Variants in CNTLN observed in about 807,000 individuals in gnomAD.
CNTLN encodes centlein, centrosomal protein.
CNTLN carries 212 observed loss-of-function variants against 180.0 expected under a neutral mutation model. That is an observed-to-expected ratio of 1.18 (90% CI 1.05 to 1.32). The LOEUF (loss-of-function observed/expected upper bound fraction) is 1.32, where lower values mean the gene tolerates loss of function less well. Ranked by LOEUF, CNTLN falls within the 40% of genes most tolerant of loss-of-function variation. The pLI is 0.00. For synonymous variants in CNTLN, 722 were observed against 563.1 expected (o/e 1.28, Z -3.99); for missense variants, 2,095 against 1,610.9 (o/e 1.30, Z -5.14).
intron 2 of CNTLN, among the ~76,000 whole-genome samples, chr9:17,163,435 T>C (rs7847317): frequency 0.019 from 2,889 of 152,356 alleles, 59 homozygotes; most frequent in African/African-American, 0.05. Context: ...ATTCATTAGA[T>C]ATCATTGGCA....
intron 6 of CNTLN, among the ~76,000 whole-genome samples, chr9:17,281,078 T>G (rs993221746): frequency 1.8e-4 from 28 of 152,172 alleles, no homozygotes; most frequent in African/African-American, 6.8e-4. Context: ...AGAGATGTCC[T>G]TACATCTTGG....
At chr9:17,380,815 TAG>T (rs1263189283) in intron 13 of CNTLN, among the ~76,000 whole-genome samples, 2 of 152,216 alleles carry the variant, frequency 1.3e-5, no homozygotes, top group Non-Finnish European at 2.9e-5. Context: ...TTATTGCATA[TAG>T]GTCTGTGTGT....
chr9:17,426,058 G>C (rs549942732), intron 18 of CNTLN, among the ~76,000 whole-genome samples: 8 of 152,280 alleles, frequency 5.3e-5, no homozygotes, highest in African/African-American at 1.9e-4. Context: ...ATGTGAACCA[G>C]GGACCTAATC....
chr9:17,232,579 A>T (rs997040749), intron 3 of CNTLN, among the ~76,000 whole-genome samples: 3 of 151,978 alleles, frequency 2.0e-5, no homozygotes, highest in Non-Finnish European at 4.4e-5. Context: ...ATATGCTCAA[A>T]TTTTGTCATT....
chr9:17,154,961 G>GT (rs1420598426), intron 2 of CNTLN, among the ~76,000 whole-genome samples: 4 of 152,158 alleles, frequency 2.6e-5, no homozygotes, highest in Admixed American at 6.5e-5. Flanking sequence ...TTTGTGAGCT[G>GT]TAACACTCAC....
Position 17,340,934 on chromosome 9 carries a change from A to G in CNTLN, c.1752A>G (p.Glu584=), listed in dbSNP as rs1226358382. The change falls in exon 11 of 26, where the codon GAA becomes GAG. Residue 584 remains glutamate, a synonymous_variant. Coordinates refer to ENST00000380647, the MANE Select transcript of CNTLN (RefSeq NM_017738.4). ...TAAAAGAGCAATTAAAACAGTGGGAAGAAGGCAGTGGCATGTGAGTTACAT... is the reference window on the plus strand; with the variant it reads ...TAAAAGAGCAATTAAAACAGTGGGAGGAAGGCAGTGGCATGTGAGTTACAT... ...RAVKEQLKQW[E]EGSGMTEIRK... is the part of the protein sequence containing the mutation. The G allele has an allele frequency of 6.2e-7, 1 of 1,610,170 alleles. No homozygotes were observed. The highest frequency in any genetic ancestry group is 1.1e-5 in the South Asian group (1 of 90,514).
At chr9:17,405,835 C>G (rs534786435) in intron 15 of CNTLN, among the ~76,000 whole-genome samples, 1 of 151,750 alleles carries the variant, frequency 6.6e-6, no homozygotes, top group East Asian at 1.9e-4. Context: ...GTTGCCCTGG[C>G]TGGAGTGCAG....
intron 20 of CNTLN, among the ~76,000 whole-genome samples, chr9:17,464,152 C>T (rs1394836735): frequency 6.6e-6 from 1 of 151,040 alleles, no homozygotes; most frequent in Non-Finnish European, 1.5e-5. Context: ...TTTTGATTAT[C>T]TTCATATATC....
chr9:17,383,080 CTCTT>C (rs1825386703), intron 13 of CNTLN, among the ~76,000 whole-genome samples: 1 of 151,842 alleles, frequency 6.6e-6, no homozygotes, highest in South Asian at 2.1e-4. Flanking sequence ...TTTTTCTGTT[CTCTT>C]TGTTTGTACC....
chr9:17,139,813 A>G (rs1586888309), intron 1 of CNTLN, among the ~76,000 whole-genome samples: 1 of 151,892 alleles, frequency 6.6e-6, no homozygotes, highest in South Asian at 2.1e-4. Flanking sequence ...CAAAGGATCC[A>G]CCCACCTCAG....
At chr9:17,441,747 T>A (rs1830122340) in intron 18 of CNTLN, among the ~76,000 whole-genome samples, 1 of 152,104 alleles carries the variant, frequency 6.6e-6, no homozygotes, top group Non-Finnish European at 1.5e-5. Context: ...AGTCAAGAGA[T>A]GGAGAGTTGC....
At position 17,143,302 on chromosome 9, in the gene CNTLN, T is replaced by A; in HGVS notation, c.375T>A (p.Phe125Leu). 1 of 1,613,048 alleles carries A rather than the reference T, an allele frequency of 6.2e-7. No individual in the cohort carries two copies. The highest frequency in any genetic ancestry group is 8.5e-7 in the Non-Finnish European group (1 of 1,179,352). The change falls in exon 2 of 26, where the codon TTT becomes TTA. Residue 125 changes from phenylalanine to leucine, a missense_variant. By Grantham distance (22) the Phe-to-Leu change is conservative. Transcript: ENST00000380647. ...ELALCQADKE[F>L]VWSLWKRLQV... Reference sequence around the variant, plus strand: ...ATTTCTTTAAGGCTGATAAAGAATTTGTATGGTCTTTGTGGAAACGTCTCC... The same window carrying A: ...ATTTCTTTAAGGCTGATAAAGAATTAGTATGGTCTTTGTGGAAACGTCTCC...
intron 25 of CNTLN, among the ~76,000 whole-genome samples, chr9:17,499,084 T>C (rs555646721): frequency 1.3e-5 from 2 of 152,328 alleles, no homozygotes; most frequent in East Asian, 3.9e-4. Context: ...TAAAACATTT[T>C]GCACTCAAAA....
intron 25 of CNTLN, among the ~76,000 whole-genome samples, chr9:17,494,094 C>T (rs1198476657): frequency 6.6e-6 from 1 of 152,044 alleles, no homozygotes; most frequent in Non-Finnish European, 1.5e-5. Context: ...GTTTTGTCAC[C>T]CTTAAAAAGG....
chr9:17,446,000 A>G (rs1293869662), intron 18 of CNTLN, among the ~76,000 whole-genome samples: 2 of 152,184 alleles, frequency 1.3e-5, no homozygotes, highest in Non-Finnish European at 2.9e-5. Context: ...TGAGCTGTTT[A>G]TGTGTATGCA....
chr9:17,274,267 A>G (rs766844019), intron 6 of CNTLN, among the ~76,000 whole-genome samples: 5 of 152,106 alleles, frequency 3.3e-5, no homozygotes, highest in Non-Finnish European at 7.4e-5. Flanking sequence ...GTCTTTCTAT[A>G]TCAACATAAT....
chr9:17,145,190 G>A (rs979303755), intron 2 of CNTLN, among the ~76,000 whole-genome samples: 2 of 152,156 alleles, frequency 1.3e-5, no homozygotes, highest in African/African-American at 4.8e-5. Context: ...CTGATCTACT[G>A]AATCTCTAGG....
chr9:17,348,506 A>C (rs926495468), intron 12 of CNTLN, among the ~76,000 whole-genome samples: 1 of 147,092 alleles, frequency 6.8e-6, no homozygotes, highest in Non-Finnish European at 1.5e-5. Flanking sequence ...CAGGCTTCTC[A>C]CTCTGCTTTC....
intron 18 of CNTLN, among the ~76,000 whole-genome samples, chr9:17,423,884 G>A (rs1418686693): frequency 2.0e-5 from 3 of 152,120 alleles, no homozygotes; most frequent in Non-Finnish European, 2.9e-5. Flanking sequence ...TGGGGAATGA[G>A]GGAAGGATGA....
Sources: allele counts gnomAD v4.1 joint callset (sites outside exome capture counted in the v4.1 genomes callset), GRCh38; gene constraint gnomAD v4.1.1; transcripts MANE v1.5; gene names NCBI Gene and HGNC (gene_info 2026-07-23, HGNC 2026-07-21).